TRPC4: variants seen among roughly 807,000 people sequenced by gnomAD.
TRPC4 encodes transient receptor potential cation channel subfamily C member 4, also known as short transient receptor potential channel 4.
A neutral mutation model predicts 99.4 loss-of-function variants in TRPC4; 49 were observed. That is an observed-to-expected ratio of 0.49 (90% confidence interval 0.39 to 0.63). The LOEUF (loss-of-function observed/expected upper bound fraction) is 0.63, where lower values mean the gene tolerates loss of function less well. TRPC4 is among the 20% of genes least tolerant of loss of function. The probability of loss-of-function intolerance (pLI) is 0.00; values close to 1 mark genes in which losing one functional copy is unlikely to be tolerated. For missense variants in TRPC4, 898 were observed against 1,152.9 expected, an observed-to-expected ratio of 0.78 and a Z score of 3.20; for synonymous variants, 454 against 425.9, an observed-to-expected ratio of 1.07 and a Z score of -0.81.
chr13:37,663,076 C>A (rs768211671), intron 6 of TRPC4, among the ~76,000 whole-genome samples: 1 of 152,152 alleles, frequency 6.6e-6, no homozygotes, highest in African/African-American at 2.4e-5. Context: ...TGGTTTTACA[C>A]ATGTTCTATC....
At chr13:37,644,771 G>A (rs1311401328) in intron 8 of TRPC4, among the ~76,000 whole-genome samples, 1 of 149,678 alleles carries the variant, frequency 6.7e-6, no homozygotes, top group Non-Finnish European at 1.5e-5. Context: ...TACTCAGGAG[G>A]CTAAGGTGGG....
intron 2 of TRPC4, among the ~76,000 whole-genome samples, chr13:37,761,043 G>A (rs552864739): frequency 3.9e-5 from 6 of 151,930 alleles, no homozygotes; most frequent in Admixed American, 1.3e-4. Context: ...ATGATTGAAT[G>A]ACAGATTTAT....
At chr13:37,658,783 T>A (rs554034220) in intron 6 of TRPC4, among the ~76,000 whole-genome samples, 3 of 152,022 alleles carry the variant, frequency 2.0e-5, no homozygotes, top group Non-Finnish European at 2.9e-5. Context: ...AATGAGAAAA[T>A]AACCTGGAAA....
At chr13:37,701,687 A>T (rs1954105693) in intron 3 of TRPC4, among the ~76,000 whole-genome samples, 1 of 152,180 alleles carries the variant, frequency 6.6e-6, no homozygotes, top group East Asian at 1.9e-4. Context: ...GTACGTGAGC[A>T]TATTAGTCAC....
At chr13:37,801,817 A>G (rs973225520) in intron 1 of TRPC4, among the ~76,000 whole-genome samples, 7 of 151,764 alleles carry the variant, frequency 4.6e-5, no homozygotes, top group Non-Finnish European at 1.0e-4. Flanking sequence ...ACAGATAGGT[A>G]ACATTTGAGC....
chr13:37,854,986 T>TCAATAA (rs1490366597), intron 1 of TRPC4: 1 of 151,874 alleles, frequency 6.6e-6, no homozygotes, highest in African/African-American at 2.4e-5. Context: ...TCTCTATTTA[T>TCAATAA]CAATAACAAC....
chr13:37,752,988 A>ACG (rs1429560064), intron 2 of TRPC4, among the ~76,000 whole-genome samples: 7 of 150,238 alleles, frequency 4.7e-5, no homozygotes, highest in Non-Finnish European at 7.4e-5. Flanking sequence ...ACACACACAC[A>ACG]CACGCACACA....
intron 1 of TRPC4, among the ~76,000 whole-genome samples, chr13:37,789,564 T>TCCG (rs1957058565): frequency 6.6e-6 from 1 of 152,212 alleles, no homozygotes; most frequent in Non-Finnish European, 1.5e-5. Flanking sequence ...AGAGTTTTAC[T>TCCG]CTGCCATTTT....
chr13:37,759,459 AT>A lies in TRPC4; in HGVS notation c.379-13005del, dbSNP rs1455348141. Among the ~76,000 whole-genome samples, 3 of 152,044 alleles carry A rather than the reference AT, an allele frequency of 2.0e-5. No homozygotes were observed. In the South Asian group the frequency reaches 6.2e-4, roughly 32 times the overall value. On this transcript the variant is annotated intron_variant, in intron 2 of 10. Transcript: ENST00000379705. ...ACCATACATACATAAAGTTAAAAAA[AT>A]AAGCTACTAAACTACAATAAAATGC...
At chr13:37,865,211 A>G (rs934849989) in intron 1 of TRPC4, among the ~76,000 whole-genome samples, 1 of 151,642 alleles carries the variant, frequency 6.6e-6, no homozygotes, top group African/African-American at 2.4e-5. Flanking sequence ...ATAATTGGAA[A>G]ATTAAAATTT....
intron 1 of TRPC4, among the ~76,000 whole-genome samples, chr13:37,814,526 A>C (rs1431659174): frequency 6.6e-6 from 1 of 151,884 alleles, no homozygotes; most frequent in Non-Finnish European, 1.5e-5. Flanking sequence ...GAATAATTCC[A>C]AAACAAAACT....
chr13:37,860,605 A>C (rs1293137698), intron 1 of TRPC4, among the ~76,000 whole-genome samples: 1 of 151,576 alleles, frequency 6.6e-6, no homozygotes, highest in Non-Finnish European at 1.5e-5. Flanking sequence ...GGCATAATTC[A>C]ATCAAGGTTA....
At chr13:37,721,982 G>A (rs575595210) in intron 3 of TRPC4, among the ~76,000 whole-genome samples, 1 of 151,882 alleles carries the variant, frequency 6.6e-6, no homozygotes, top group African/African-American at 2.4e-5. Context: ...TCTTATTCAA[G>A]AATTACCATT....
Position 37,836,049 on chromosome 13 carries a change from G to A in TRPC4, c.-28+33546C>T, listed in dbSNP as rs567328981. Among the ~76,000 whole-genome samples the A allele has an allele frequency of 5.3e-5, 8 of 152,222 alleles. No homozygotes were observed. The East Asian group carries it at 1.5e-3, about 29-fold the overall frequency. On this transcript the variant is annotated intron_variant, in intron 1 of 10. Transcript: ENST00000379705. The stretch of plus-strand genomic sequence containing the variant: ...TCTCATGATAGTGAATAAGTCTCAA[G>A]AGATCTGATGGTTTCATAAAGAGGA...
intron 1 of TRPC4, among the ~76,000 whole-genome samples, chr13:37,854,617 A>G (rs1181492020): frequency 6.6e-6 from 1 of 152,090 alleles, no homozygotes; most frequent in Non-Finnish European, 1.5e-5. Context: ...GAATAAAGCT[A>G]AGTGTGGAGT....
intron 1 of TRPC4, among the ~76,000 whole-genome samples, chr13:37,816,887 C>G (rs148880531): frequency 1.6e-3 from 238 of 151,958 alleles, no homozygotes; most frequent in Non-Finnish European, 2.7e-3. Context: ...AATTAAAGAG[C>G]CATCTCTGAC....
rs201029366 is a variant in TRPC4 at position 37,646,360 on chromosome 13, A to AT, written c.2079+4904dup. ...TTATGATTTTATCAAAAGAACTAGT[A>AT]TTTTTTTTTGGTTCGGTATGGTAAC... On this transcript the variant is annotated intron_variant, in intron 8 of 10. Coordinates refer to ENST00000379705, the MANE Select transcript of TRPC4 (RefSeq NM_016179.4). 8.3e-3 allele frequency among the ~76,000 whole-genome samples: 1,261 copies of AT among 151,750 alleles called. 24 individuals carry two copies. The highest frequency in any genetic ancestry group is 0.029 in the African/African-American group (1,219 of 41,402).
chr13:37,721,866 G>A (rs1249981887), intron 3 of TRPC4, among the ~76,000 whole-genome samples: 1 of 151,826 alleles, frequency 6.6e-6, no homozygotes, highest in African/African-American at 2.4e-5. Flanking sequence ...TGAAATCCTG[G>A]GCTCATGTGA....
chr13:37,722,979 C>T (rs1211987627), intron 3 of TRPC4, among the ~76,000 whole-genome samples: 1 of 152,028 alleles, frequency 6.6e-6, no homozygotes, highest in Non-Finnish European at 1.5e-5. Flanking sequence ...GCTCATACAG[C>T]GGGTGGGGAG....
Sources: gnomAD v4.1 joint callset for allele counts (sites outside exome capture counted in the v4.1 genomes callset) on GRCh38, gnomAD v4.1.1 for gene constraint, MANE v1.5 for transcripts, NCBI Gene and HGNC (gene_info 2026-07-23, HGNC 2026-07-21) for gene names.